Variants in CECR2 observed in about 807,000 individuals in gnomAD.
The protein encoded by CECR2 is CECR2 histone acetyl-lysine reader.
A neutral mutation model predicts 154.5 loss-of-function variants in CECR2; 30 were observed. That is an observed-to-expected ratio of 0.19 (90% CI 0.15 to 0.26). The LOEUF is 0.26. Ranked by LOEUF, CECR2 falls within the 10% of genes least tolerant of loss-of-function variation. CECR2 has a pLI of 1.00. For missense variants in CECR2, 1,743 were observed against 1,829.3 expected, an observed-to-expected ratio of 0.95 and a Z score of 0.86; for synonymous variants, 725 against 683.7, an observed-to-expected ratio of 1.06 and a Z score of -0.94.
intron 1 of CECR2, among the ~76,000 whole-genome samples, chr22:17,416,179 A>G (rs561171214): frequency 6.6e-6 from 1 of 152,322 alleles, no homozygotes; most frequent in African/African-American, 2.4e-5. Flanking sequence ...CTCTTATAAA[A>G]TATGTTCGCA....
intron 2 of CECR2, among the ~76,000 whole-genome samples, chr22:17,481,502 A>G (rs763947056): frequency 7.2e-5 from 11 of 152,180 alleles, no homozygotes; most frequent in South Asian, 2.1e-4. Flanking sequence ...AGTTCCTCCA[A>G]AGGCTCAGCA....
intron 18 of CECR2, 62 bp from the exon 19 acceptor site, chr22:17,552,773 A>ATTTTTTTTTTTTTTTTTTT (rs2056726698): frequency 2.5e-5 from 10 of 395,750 alleles, no homozygotes; most frequent in Non-Finnish European, 2.3e-5. Context: ...GGCTTACTTA[A>ATTTTTTTTTTTTTTTTTTT]GTTTTTTTTT....
At chr22:17,382,133 G>T (rs186456746) in intron 1 of CECR2, among the ~76,000 whole-genome samples, 2 of 151,254 alleles carry the variant, frequency 1.3e-5, no homozygotes, top group Admixed American at 6.6e-5. Flanking sequence ...CTTGTGATCC[G>T]CCCGCCTTGG....
intron 2 of CECR2, among the ~76,000 whole-genome samples, chr22:17,478,585 G>A (rs754874413): frequency 5.9e-5 from 9 of 152,022 alleles, no homozygotes; most frequent in Admixed American, 5.9e-4. Flanking sequence ...TCGATCTCCC[G>A]ACCTCGTGAT....
chr22:17,433,398 T>C (rs1257827060), intron 1 of CECR2, among the ~76,000 whole-genome samples: 1 of 152,210 alleles, frequency 6.6e-6, no homozygotes, highest in African/African-American at 2.4e-5. Flanking sequence ...GAAGTTAAAA[T>C]TAACATTTTA....
intron 2 of CECR2, among the ~76,000 whole-genome samples, chr22:17,494,773 C>T (rs932134601): frequency 1.3e-5 from 2 of 152,162 alleles, no homozygotes; most frequent in Non-Finnish European, 2.9e-5. Flanking sequence ...CGGCTCACGG[C>T]AAACTCTGCC....
chr22:17,533,694 G>GC (rs2056394285), intron 9 of CECR2, among the ~76,000 whole-genome samples: 1 of 141,626 alleles, frequency 7.1e-6, no homozygotes, highest in Non-Finnish European at 1.6e-5. Context: ...AGAGCAAAGG[G>GC]CCTTTTTTTG....
chr22:17,487,097 T>C (rs757371902), intron 2 of CECR2, among the ~76,000 whole-genome samples: 1 of 152,252 alleles, frequency 6.6e-6, no homozygotes, highest in Admixed American at 6.5e-5. Flanking sequence ...TGCCTTTCTC[T>C]TTCAATATAA....
At chr22:17,530,020 A>C (rs963047114) in intron 9 of CECR2, among the ~76,000 whole-genome samples, 1 of 152,150 alleles carries the variant, frequency 6.6e-6, no homozygotes, top group African/African-American at 2.4e-5. Context: ...CTTTTAACAT[A>C]ATGAGTAATA....
At chr22:17,369,312 C>CCGCCCCTCGCG (rs2063025490), upstream of CECR2, 1 of 151,014 alleles carries the variant, frequency 6.6e-6, no homozygotes, top group South Asian at 2.1e-4. Flanking sequence ...GGCGCGCGCC[C>CCGCCCCTCGCG]CGCCCCTCCC....
chr22:17,396,628 G>A (rs1345358866), intron 1 of CECR2, among the ~76,000 whole-genome samples: 1 of 152,214 alleles, frequency 6.6e-6, no homozygotes, highest in Non-Finnish European at 1.5e-5. Context: ...TAAGAGTGAA[G>A]CACTGTTTGA....
At chr22:17,396,817 CAGA>C (rs1316725934) in intron 1 of CECR2, among the ~76,000 whole-genome samples, 1 of 152,094 alleles carries the variant, frequency 6.6e-6, no homozygotes, top group Non-Finnish European at 1.5e-5. Context: ...AGCCCAGAAC[CAGA>C]AGGACAAGTT....
intron 1 of CECR2, among the ~76,000 whole-genome samples, chr22:17,432,865 A>T (rs2054447201): frequency 6.6e-6 from 1 of 152,124 alleles, no homozygotes; most frequent in South Asian, 2.1e-4. Flanking sequence ...TACAGGTGTG[A>T]GCCAGCTCAC....
chr22:17,465,742 C>A (rs576354872), intron 1 of CECR2, among the ~76,000 whole-genome samples: 5 of 152,134 alleles, frequency 3.3e-5, no homozygotes, highest in Non-Finnish European at 7.4e-5. Context: ...CTCAGCCTCC[C>A]AAAGTGCCAG....
chr22:17,420,489 C>T (rs1160862250), intron 1 of CECR2, among the ~76,000 whole-genome samples: 1 of 152,046 alleles, frequency 6.6e-6, no homozygotes, highest in African/African-American at 2.4e-5. Flanking sequence ...CTTTACCCAC[C>T]ACTCATTCAA....
chr22:17,529,314 GC>G (rs1405601589), intron 9 of CECR2, among the ~76,000 whole-genome samples: 1 of 152,114 alleles, frequency 6.6e-6, no homozygotes, highest in East Asian at 1.9e-4. Context: ...GCGGAGCAGA[GC>G]AGAGCAAGCA....
At chr22:17,460,847 T>A (rs2054926713) in intron 1 of CECR2, among the ~76,000 whole-genome samples, 1 of 152,220 alleles carries the variant, frequency 6.6e-6, no homozygotes. Context: ...AGGAAATCTC[T>A]TATGTTTATA....
At chr22:17,421,214 G>GC (rs1391276595) in intron 1 of CECR2, among the ~76,000 whole-genome samples, 1 of 152,094 alleles carries the variant, frequency 6.6e-6, no homozygotes, top group East Asian at 1.9e-4. Flanking sequence ...GGGCACGGTG[G>GC]CTCACACCTG....
intron 8 of CECR2, among the ~76,000 whole-genome samples, chr22:17,515,517 A>G (rs1033473234): frequency 1.3e-5 from 2 of 152,202 alleles, no homozygotes; most frequent in African/African-American, 4.8e-5. Context: ...TTTATTGCAT[A>G]TTGAGCATTA....
Sources: allele counts gnomAD v4.1 joint callset (sites outside exome capture counted in the v4.1 genomes callset), GRCh38; gene constraint gnomAD v4.1.1; transcripts MANE v1.5; gene names NCBI Gene and HGNC (gene_info 2026-07-23, HGNC 2026-07-21).